The following POLR1B variants were observed in gnomAD, a reference collection of about 807,000 sequenced individuals.
POLR1B encodes the protein DNA-directed RNA polymerase I subunit RPA2.
A neutral mutation model predicts 105.8 loss-of-function variants in POLR1B; 30 were observed. The ratio of observed to expected loss-of-function variants is 0.28; its 90% CI spans 0.21 to 0.38. The LOEUF (loss-of-function observed/expected upper bound fraction) is 0.38, where lower values mean the gene tolerates loss of function less well. Ranked by LOEUF, POLR1B falls within the 10% of genes least tolerant of loss-of-function variation. The probability of loss-of-function intolerance (pLI) is 1.00; values close to 1 mark genes in which losing one functional copy is unlikely to be tolerated. For synonymous variants in POLR1B, 485 were observed against 505.1 expected, an observed-to-expected ratio of 0.96 and a Z score of 0.53; for missense variants, 976 against 1,435.8, an observed-to-expected ratio of 0.68 and a Z score of 5.17.
At chr2:112,542,323 A>G (rs551243173), upstream of POLR1B, 4,340 of 1,533,340 alleles carry the variant, frequency 2.8e-3, 11 homozygotes, top group Non-Finnish European at 3.4e-3. Flanking sequence ...TTTTGGTTCT[A>G]CGTTGACCCC....
intron 9 of POLR1B, among the ~76,000 whole-genome samples, chr2:112,561,495 C>T (rs984869533): frequency 2.0e-5 from 3 of 150,808 alleles, no homozygotes; most frequent in African/African-American, 7.3e-5. Flanking sequence ...TCAGTTGATT[C>T]TCATTATTTG....
Position 112,559,611 on chromosome 2 carries a change from ATGTGGGTTTTTT to A in POLR1B, c.1612+42_1612+53del, listed in dbSNP as rs752694842. 3.8e-6 allele frequency: 6 copies of A among 1,586,354 alleles called. No homozygotes were observed. In the East Asian group the frequency reaches 1.4e-4, roughly 36 times the overall value. ...ACAGTGATAAACATCTTGTTTGGTT[ATGTGGGTTTTTT>A]TGTGTTCTTTTTGTTTGTTTGTTTT... On this transcript the variant is annotated intron_variant, in intron 9 of 14. Transcript: ENST00000263331.
intron 9 of POLR1B, among the ~76,000 whole-genome samples, chr2:112,561,622 G>A (rs1358878172): frequency 6.6e-6 from 1 of 152,056 alleles, no homozygotes; most frequent in Non-Finnish European, 1.5e-5. Context: ...TCAATATGTA[G>A]CCTTGTTTTT....
chr2:112,546,622 CGTGATCTCT>C lies in POLR1B; in HGVS notation c.178-388_178-380del, dbSNP rs1448331831. On this transcript the variant is annotated intron_variant, in intron 1 of 14. Coordinates refer to ENST00000263331, the MANE Select transcript of POLR1B (RefSeq NM_019014.6). ...TGTCGCCCAGGCTGGAGTGCAGTGGCGTGATCTCTGCTCACTGCAGGCTCTGCCTCCCGG... is the reference window on the plus strand; with the variant it reads ...TGTCGCCCAGGCTGGAGTGCAGTGGCGCTCACTGCAGGCTCTGCCTCCCGG... 3.4e-5 allele frequency among the ~76,000 whole-genome samples: 4 copies of C among 116,438 alleles called. No homozygotes were observed. In the East Asian group the frequency reaches 1.2e-3, roughly 35 times the overall value. 76.4% of individuals were successfully genotyped at this position (116,438 alleles called of 152,430 possible).
chr2:112,547,543 C>T lies in POLR1B; in HGVS notation c.468C>T (p.Leu156=). The change falls in exon 3 of 15, where the codon CTC becomes CTT. Residue 156 remains leucine, a synonymous_variant. Coordinates refer to ENST00000263331, the MANE Select transcript of POLR1B (RefSeq NM_019014.6). The part of the protein sequence containing the change: ...CNLRNLPPQA[L]IEHHEEAEEM... ...TACGTAACCTTCCCCCACAAGCCCT[C>T]ATTGAGCACCATGAGGAGGCAGAGG... is the stretch of plus-strand genomic sequence containing the variant. 1 of 1,614,154 alleles carries T rather than the reference C, an allele frequency of 6.2e-7. No homozygotes were observed.
chr2:112,574,594 T>C (rs931655570), intron 14 of POLR1B, among the ~76,000 whole-genome samples: 4 of 151,990 alleles, frequency 2.6e-5, no homozygotes, highest in Admixed American at 2.6e-4. Flanking sequence ...TAGTGGCATA[T>C]ACCTGTAGTC....
intron 9 of POLR1B, among the ~76,000 whole-genome samples, chr2:112,561,427 G>A (rs1683977895): frequency 6.6e-6 from 1 of 151,570 alleles, no homozygotes; most frequent in Non-Finnish European, 1.5e-5. Flanking sequence ...AACACTTGAT[G>A]TCTTCAGAAT....
chr2:112,546,861 C>A, intron 1 of POLR1B, 151 bp from the exon 2 acceptor site: 1 of 772,784 alleles, frequency 1.3e-6, no homozygotes, highest in Non-Finnish European at 2.0e-6. Context: ...CTGCGCCCGG[C>A]CAACTGGAGG....
At position 112,575,263 on chromosome 2, in the gene POLR1B, G is replaced by A; in HGVS notation, c.2942G>A (p.Ser981Asn). The part of the protein sequence containing the change: ...YNFYGTERLY[S>N]GISGLELEAD... Reference sequence around the variant, plus strand: ...TTCTATGGCACCGAGAGGTTATATAGTGGCATCAGTGGGCTAGAACTGGAA... The same window carrying A: ...TTCTATGGCACCGAGAGGTTATATAATGGCATCAGTGGGCTAGAACTGGAA... The change falls in exon 15 of 15, where the codon AGT becomes AAT. Residue 981 changes from serine to asparagine, a missense_variant. Around this residue, in one of 12 missense-constraint regions of POLR1B, gnomAD observed 40 missense variants for 49.6 expected, o/e 0.81. Coordinates refer to ENST00000263331, the MANE Select transcript of POLR1B (RefSeq NM_019014.6). This position sits in a 1 kb window ranked among gnomAD's most constrained non-coding sequence, Gnocchi z 5.3. The A allele has an allele frequency of 6.2e-7, 1 of 1,614,188 alleles. No individual in the cohort carries two copies. Among genetic ancestry groups the A allele is most frequent in the Non-Finnish European group, 8.5e-7 (1 of 1,180,042 alleles).
intron 12 of POLR1B, among the ~76,000 whole-genome samples, chr2:112,569,816 TC>T (rs1417117605): frequency 6.6e-6 from 1 of 152,018 alleles, no homozygotes; most frequent in African/African-American, 2.4e-5. Flanking sequence ...CACTTTGGCC[TC>T]CCAAAGTGCT....
intron 6 of POLR1B, 41 bp from the exon 7 acceptor site, chr2:112,552,604 A>G: frequency 6.7e-7 from 1 of 1,483,932 alleles, no homozygotes; most frequent in South Asian, 1.3e-5. Flanking sequence ...AGTATTACCA[A>G]CTGAATTGTT....
chr2:112,549,356 A>G lies in POLR1B; in HGVS notation c.582A>G (p.Ile194Met). 1.9e-6 allele frequency: 3 copies of G among 1,613,908 alleles called. No homozygotes were observed. The highest frequency in any genetic ancestry group is 2.5e-6 in the Non-Finnish European group (3 of 1,179,784). The change falls in exon 4 of 15, where the codon ATA becomes ATG. Residue 194 changes from isoleucine (I) to methionine (M), a missense_variant. Physicochemically the swap from Ile to Met is conservative, Grantham distance 10 (BLOSUM62 1). Transcript: ENST00000263331. ...GGAGAAATTTTCCCATTGCAATGAT[A>G]AGACCAAAATGGAAAACCAGAGGGC... is the stretch of plus-strand genomic sequence containing the variant. ...MPRRNFPIAM[I>M]RPKWKTRGPG... is the part of the protein sequence containing the mutation.
At chr2:112,554,069 C>T (rs1024475733) in intron 7 of POLR1B, among the ~76,000 whole-genome samples, 1 of 152,102 alleles carries the variant, frequency 6.6e-6, no homozygotes, top group African/African-American at 2.4e-5. Context: ...CTCAGGTGAT[C>T]CACCTGCCTC....
chr2:112,554,093 G>A (rs1000481831), intron 7 of POLR1B, among the ~76,000 whole-genome samples: 9 of 151,968 alleles, frequency 5.9e-5, no homozygotes, highest in Non-Finnish European at 1.2e-4. Flanking sequence ...CTCCCAAAGT[G>A]CTGGGATTAC....
intron 9 of POLR1B, among the ~76,000 whole-genome samples, chr2:112,563,381 G>A (rs920950113): frequency 1.3e-5 from 2 of 152,094 alleles, no homozygotes; most frequent in African/African-American, 4.8e-5. Context: ...AATAAAACAA[G>A]TTTGCGACAC....
Position 112,552,596 on chromosome 2 carries a change from T to C in POLR1B, c.987-49T>C, listed in dbSNP as rs536447416. 2.7e-6 allele frequency: 4 copies of C among 1,459,154 alleles called. No homozygotes were observed. In the South Asian group the frequency reaches 4.1e-5, roughly 15 times the overall value. The allele number at this position is 1,459,154 out of a possible 1,614,324, so 90.4% of individuals were successfully genotyped here. On this transcript the variant is annotated intron_variant, in intron 6 of 14. Coordinates refer to ENST00000263331, the MANE Select transcript of POLR1B (RefSeq NM_019014.6). ...TCTTGGTTAATAGAATATTAAGTAG[T>C]ATTACCAACTGAATTGTTTTAAGCT... is the stretch of plus-strand genomic sequence containing the variant.
chr2:112,556,933 CAT>C (rs1370792304), intron 7 of POLR1B, among the ~76,000 whole-genome samples: 8 of 152,146 alleles, frequency 5.3e-5, no homozygotes, highest in African/African-American at 1.7e-4. Context: ...TCACCTCAAA[CAT>C]GTATCATTTT....
chr2:112,560,991 G>C (rs1683949259), intron 9 of POLR1B, among the ~76,000 whole-genome samples: 1 of 151,924 alleles, frequency 6.6e-6, no homozygotes, highest in South Asian at 2.1e-4. Flanking sequence ...CTTGAATCCA[G>C]GAGGTGGAGG....
In POLR1B at chr2:112,559,573, G is replaced by C; in HGVS notation, c.1611G>C (p.Leu537Phe). Residue 537 changes from leucine (L) to phenylalanine (F), a missense_variant and splice_region_variant, in exon 9 of 15, where the codon TTG (leucine) becomes TTC (phenylalanine). Physicochemically the swap from Leu to Phe is conservative, Grantham distance 22. Coordinates refer to ENST00000263331, the MANE Select transcript of POLR1B (RefSeq NM_019014.6). ...TASIPALLCNLGVTPIDGAPH... is the reference protein window; with the variant it reads ...TASIPALLCNFGVTPIDGAPH... The stretch of plus-strand genomic sequence containing the variant: ...CTATTCCAGCTTTACTGTGCAACTT[G>C]GGTATGTAGTGTACAGTGATAAACA... 1 of 1,613,756 alleles carries C rather than the reference G, an allele frequency of 6.2e-7. No homozygotes were observed. The highest frequency in any genetic ancestry group is 1.7e-5 in the Admixed American group (1 of 59,996).
Sources: gnomAD v4.1 joint callset for allele counts (sites outside exome capture counted in the v4.1 genomes callset) on GRCh38, gnomAD v4.1.1 for gene constraint, gnomAD v4.1.1 regional missense constraint, Gnocchi (gnomAD v3.1) non-coding constraint, MANE v1.5 for transcripts, NCBI Gene and HGNC (gene_info 2026-07-23, HGNC 2026-07-21) for gene names.